Variants in SOCS5 observed in about 807,000 individuals in gnomAD.
The protein encoded by SOCS5 is CIS-6.
SOCS5 carries 32 observed loss-of-function variants against 42.8 expected under a neutral mutation model. The observed-to-expected ratio is 0.75, with a 90% confidence interval of 0.56 to 1.01. The LOEUF (loss-of-function observed/expected upper bound fraction) is 1.01, where lower values mean the gene tolerates loss of function less well. SOCS5 is among the 50% of genes least tolerant of loss of function. The pLI is 0.00. For missense variants in SOCS5, 627 were observed against 653.0 expected (o/e 0.96, Z 0.43); for synonymous variants, 283 against 229.6 (o/e 1.23, Z -2.10).
At chr2:46,706,587 A>G (rs898003467) in intron 1 of SOCS5, among the ~76,000 whole-genome samples, 4 of 152,216 alleles carry the variant, frequency 2.6e-5, no homozygotes, top group Admixed American at 1.3e-4. Flanking sequence ...TTGACTTTAT[A>G]AAATGCTGAA....
At chr2:46,723,679 T>G (rs1020218064) in intron 1 of SOCS5, among the ~76,000 whole-genome samples, 1 of 152,132 alleles carries the variant, frequency 6.6e-6, no homozygotes, top group Non-Finnish European at 1.5e-5. Context: ...TTACTGTTGG[T>G]TTTTATGATG....
rs374254264 is a variant in SOCS5, at chr2:46,759,571, C to T, written c.1041C>T (p.Ser347=). Residue 347 remains serine (S), a synonymous_variant, in exon 2 of 2, where the codon AGC becomes AGT. Transcript: ENST00000394861. Reference sequence around the variant, plus strand: ...AGCAGCGTCAGATATCTGGAGACAGCCATACCCATGTTAGCAGACAGGGAG... The same window carrying T: ...AGCAGCGTCAGATATCTGGAGACAGTCATACCCATGTTAGCAGACAGGGAG... ...RQKQRQISGD[S]HTHVSRQGAW... is the part of the protein sequence containing the mutation. 1.9e-6 allele frequency: 3 copies of T among 1,613,796 alleles called. No individual in the cohort carries two copies. Among genetic ancestry groups the T allele is most frequent in the Non-Finnish European group, 2.5e-6 (3 of 1,179,824 alleles).
chr2:46,709,897 C>T (rs991423916), intron 1 of SOCS5, among the ~76,000 whole-genome samples: 12 of 152,184 alleles, frequency 7.9e-5, no homozygotes, highest in Non-Finnish European at 1.8e-4. Flanking sequence ...TTTCTCCTTA[C>T]ATACTTCTAT....
At chr2:46,755,694 A>G (rs1476354992) in intron 1 of SOCS5, among the ~76,000 whole-genome samples, 2 of 152,174 alleles carry the variant, frequency 1.3e-5, no homozygotes, top group Admixed American at 6.5e-5. Flanking sequence ...TTAGCCCTGT[A>G]TAATTTCATA....
intron 1 of SOCS5, among the ~76,000 whole-genome samples, chr2:46,714,297 G>C (rs909671709): frequency 6.6e-6 from 1 of 152,108 alleles, no homozygotes; most frequent in Non-Finnish European, 1.5e-5. Context: ...AATAAGTTTT[G>C]TTTCCTATTT....
chr2:46,723,013 T>C (rs1672915790), intron 1 of SOCS5, among the ~76,000 whole-genome samples: 1 of 152,088 alleles, frequency 6.6e-6, no homozygotes, highest in Admixed American at 6.5e-5. Flanking sequence ...ATATGCTTTC[T>C]TAATGTTGAA....
In SOCS5 at chr2:46,710,222, C is replaced by T. The variant is rs186685518; in HGVS notation, c.-13+10773C>T. ...AGTGCAGTGGCGCAATCTCGGCTCA[C>T]TGCAACCTGCACCTCCCAGGTTCAA... On this transcript the variant is annotated intron_variant, in intron 1 of 1. Transcript: ENST00000394861. Among the ~76,000 whole-genome samples the T allele has an allele frequency of 7.6e-3, 1,152 of 152,322 alleles. 4 individuals are homozygous for T. The highest frequency in any genetic ancestry group is 0.012 in the Non-Finnish European group (840 of 68,028).
intron 1 of SOCS5, among the ~76,000 whole-genome samples, chr2:46,750,618 T>C (rs1323962381): frequency 6.6e-6 from 1 of 151,752 alleles, no homozygotes; most frequent in Non-Finnish European, 1.5e-5. Flanking sequence ...CAGTAGAACT[T>C]ACTAATATAG....
chr2:46,748,689 A>G (rs17035565), intron 1 of SOCS5, among the ~76,000 whole-genome samples: 19,515 of 152,184 alleles, frequency 0.13, 1,744 homozygotes, highest in East Asian at 0.41. Flanking sequence ...AATGTATTCT[A>G]AGCAGTTTTA....
intron 1 of SOCS5, among the ~76,000 whole-genome samples, chr2:46,745,946 T>C (rs1363168338): frequency 6.6e-6 from 1 of 152,180 alleles, no homozygotes; most frequent in Non-Finnish European, 1.5e-5. Context: ...AACTATATTA[T>C]CTCAATATTC....
rs1673884630 is a variant in SOCS5 at position 46,762,099 on chromosome 2, G to C, written c.*1958G>C. On this transcript the variant is annotated 3_prime_UTR_variant, in exon 2 of 2. Transcript: ENST00000394861. ...TAACCAAAGACTTGTCCCTTTTAAA[G>C]CAAAATGGGGATTGAAGGGACTTAT... The C allele has an allele frequency of 6.0e-6, 1 of 167,002 alleles. No individual in the cohort carries two copies. The highest frequency in any genetic ancestry group is 2.4e-5 in the African/African-American group (1 of 41,448). 10.3% of individuals were successfully genotyped at this position (167,002 alleles called of 1,614,324 possible).
rs917172816 is a variant in SOCS5, at chr2:46,719,613, C to T, written c.-13+20164C>T. Among the ~76,000 whole-genome samples, 9 of 152,222 alleles carry T rather than the reference C, an allele frequency of 5.9e-5. No individual in the cohort carries two copies. In the East Asian group the frequency reaches 9.7e-4, roughly 16 times the overall value. On this transcript the variant is annotated intron_variant, in intron 1 of 1. Transcript: ENST00000394861. ...TTTCTCAGTAAAATATTATGTTTGACGTCTGTATCCCTGGCATCTTAAGCA... is the reference window on the plus strand; with the variant it reads ...TTTCTCAGTAAAATATTATGTTTGATGTCTGTATCCCTGGCATCTTAAGCA...
In SOCS5 at chr2:46,759,564, G is replaced by C. The variant is rs1351778476; in HGVS notation, c.1034G>C (p.Gly345Ala). 2 of 1,613,964 alleles carry C rather than the reference G, an allele frequency of 1.2e-6. No homozygotes were observed. The highest frequency in any genetic ancestry group is 3.3e-5 in the Admixed American group (2 of 60,016). Reference protein sequence around the residue: ...SRRQKQRQISGDSHTHVSRQG... With the variant: ...SRRQKQRQISADSHTHVSRQG... ...AGGCAGAAGCAGCGTCAGATATCTG[G>C]AGACAGCCATACCCATGTTAGCAGA... is the stretch of plus-strand genomic sequence containing the variant. Residue 345 changes from glycine to alanine, a missense_variant, in exon 2 of 2, where the codon GGA becomes GCA. By Grantham distance (60) the Gly-to-Ala change is moderately conservative (BLOSUM62 0). Coordinates refer to ENST00000394861, the MANE Select transcript of SOCS5 (RefSeq NM_144949.3).
chr2:46,743,318 G>A (rs979415427), intron 1 of SOCS5, among the ~76,000 whole-genome samples: 4 of 152,218 alleles, frequency 2.6e-5, no homozygotes, highest in South Asian at 4.1e-4. Context: ...TCCATAGAGC[G>A]GCCCCGTGGG....
At chr2:46,713,889 A>T (rs1672682600) in intron 1 of SOCS5, among the ~76,000 whole-genome samples, 1 of 151,982 alleles carries the variant, frequency 6.6e-6, no homozygotes, top group Non-Finnish European at 1.5e-5. Context: ...TTCCTCTTGG[A>T]ATTTATTTGA....
intron 1 of SOCS5, among the ~76,000 whole-genome samples, chr2:46,738,334 TAGAC>T (rs1490502142): frequency 1.3e-5 from 2 of 152,076 alleles, no homozygotes; most frequent in Non-Finnish European, 2.9e-5. Context: ...GCAGTGAAAG[TAGAC>T]AGAAAAGGTA....
intron 1 of SOCS5, among the ~76,000 whole-genome samples, chr2:46,729,337 C>A (rs1300960744): frequency 6.7e-6 from 1 of 148,850 alleles, no homozygotes; most frequent in African/African-American, 2.5e-5. Context: ...CAAAAGTAGC[C>A]ATAGTTGCTT....
chr2:46,700,695 G>A (rs1672323452), intron 1 of SOCS5, among the ~76,000 whole-genome samples: 1 of 152,104 alleles, frequency 6.6e-6, no homozygotes, highest in African/African-American at 2.4e-5. Context: ...CAGTTGTTTA[G>A]TTTAATTTTA....
At chr2:46,756,666 G>A (rs977842186) in intron 1 of SOCS5, among the ~76,000 whole-genome samples, 1 of 152,054 alleles carries the variant, frequency 6.6e-6, no homozygotes, top group African/African-American at 2.4e-5. Flanking sequence ...TATGAATTAG[G>A]TAAAAATAAA....
Sources: gnomAD v4.1 joint callset for allele counts (sites outside exome capture counted in the v4.1 genomes callset) on GRCh38, gnomAD v4.1.1 for gene constraint, MANE v1.5 for transcripts, NCBI Gene and HGNC (gene_info 2026-07-23, HGNC 2026-07-21) for gene names.